Variants in PIEZO2 observed in about 807,000 individuals in gnomAD.
The protein encoded by PIEZO2 is piezo type mechanosensitive ion channel component 2.
PIEZO2 carries 172 observed loss-of-function variants against 337.3 expected under a neutral mutation model. The observed-to-expected ratio is 0.51, with a 90% CI of 0.45 to 0.58. The LOEUF is 0.58. Among genes scored for constraint, PIEZO2 ranks in the 20% least tolerant of loss-of-function variants. The pLI, the probability that PIEZO2 is intolerant of heterozygous loss-of-function variation, is 0.00. For missense variants in PIEZO2, 3,028 were observed against 3,391.3 expected, an observed-to-expected ratio of 0.89 and a Z score of 2.66; for synonymous variants, 1,251 against 1,228.5, an observed-to-expected ratio of 1.02 and a Z score of -0.38.
In PIEZO2 at chr18:10,828,172, T is replaced by C. The variant is rs1208376461; in HGVS notation, c.918-20898A>G. 6.6e-6 allele frequency among the ~76,000 whole-genome samples: 1 copy of C among 151,498 alleles called. No individual in the cohort carries two copies. Among genetic ancestry groups the C allele is most frequent in the African/African-American group, 2.4e-5 (1 of 41,272 alleles). On this transcript the variant is annotated intron_variant, in intron 7 of 55. Coordinates refer to ENST00000674853, the MANE Select transcript of PIEZO2 (RefSeq NM_001378183.1). This position sits in a 1 kb window ranked among gnomAD's most constrained non-coding sequence, Gnocchi z 4.1. ...TTTTTTTTTACAGTAAAACCAATCC[T>C]GTATGTAGTCATAAGTATCACTTAG... is the stretch of plus-strand genomic sequence containing the variant.
At position 10,980,358 on chromosome 18, in the gene PIEZO2, A is replaced by T. The variant is rs533977676; in HGVS notation, c.161-698T>A. ...ACCTAGTTATAATTTTTAAAAACAT[A>T]AAAAAAAAGGAATGGAAGGAAACAT... On this transcript the variant is annotated intron_variant, in intron 2 of 55. Transcript: ENST00000674853. The surrounding 1 kb of genome is among the most constrained non-coding windows in gnomAD (Gnocchi z 4.8). Among the ~76,000 whole-genome samples, 124 of 150,560 alleles carry T rather than the reference A, an allele frequency of 8.2e-4. 1 individual carries two copies. Among genetic ancestry groups the T allele is most frequent in the African/African-American group, 2.9e-3 (119 of 40,660 alleles).
rs141198624 is a variant in PIEZO2, at chr18:11,055,028, G to A, written c.160+11099C>T. Among the ~76,000 whole-genome samples the A allele has an allele frequency of 2.4e-3, 364 of 152,120 alleles. 2 individuals carry two copies. The South Asian group carries it at 0.03, about 12-fold the overall frequency. On this transcript the variant is annotated intron_variant, in intron 2 of 55. Coordinates refer to ENST00000674853, the MANE Select transcript of PIEZO2 (RefSeq NM_001378183.1). Reference sequence around the variant, plus strand: ...AGATCAAGACTATCCTGGCTAACACGGTGAAACCCCGTCTCTACTAAAAAC... The same window carrying A: ...AGATCAAGACTATCCTGGCTAACACAGTGAAACCCCGTCTCTACTAAAAAC...
At chr18:11,133,349 T>C (rs2040391820) in intron 1 of PIEZO2, among the ~76,000 whole-genome samples, 2 of 152,136 alleles carry the variant, frequency 1.3e-5, no homozygotes, top group Admixed American at 1.3e-4. Context: ...ATTATTGTCT[T>C]TACTTGAAGA....
chr18:10,990,224 AG>A (rs1489696980), intron 2 of PIEZO2, among the ~76,000 whole-genome samples: 1 of 152,230 alleles, frequency 6.6e-6, no homozygotes, highest in Admixed American at 6.6e-5. Context: ...AGGTAAATTA[AG>A]GATATAATAA....
intron 13 of PIEZO2, chr18:10,791,576 C>CTT (rs1479308448): frequency 1.1e-5 from 3 of 263,832 alleles, no homozygotes; most frequent in Non-Finnish European, 2.2e-5. Flanking sequence ...TGAACCCAAC[C>CTT]TTTCTAACAA....
At chr18:10,992,468 C>T (rs114375913) in intron 2 of PIEZO2, among the ~76,000 whole-genome samples, 5,087 of 152,296 alleles carry the variant, frequency 0.033, 150 homozygotes, top group African/African-American at 0.073. Flanking sequence ...GTTTTCCCAA[C>T]ACCACTTATT....
chr18:10,825,054 G>C (rs1016761487), intron 7 of PIEZO2, among the ~76,000 whole-genome samples: 1 of 152,036 alleles, frequency 6.6e-6, no homozygotes, highest in Non-Finnish European at 1.5e-5. Context: ...CATAGAGATG[G>C]GGTTTCACCA....
chr18:11,108,340 G>C (rs1168198366), intron 1 of PIEZO2, among the ~76,000 whole-genome samples: 6 of 152,298 alleles, frequency 3.9e-5, no homozygotes, highest in Admixed American at 6.5e-5. Context: ...CCGGGGCCAG[G>C]CACGGTGGCT....
intron 7 of PIEZO2, among the ~76,000 whole-genome samples, chr18:10,849,838 C>A (rs1277983860): frequency 6.6e-6 from 1 of 152,226 alleles, no homozygotes; most frequent in Admixed American, 6.5e-5. Flanking sequence ...GGGAGACCTG[C>A]CAGACTAACA....
chr18:10,979,678 C>A lies in PIEZO2; in HGVS notation c.161-18G>T. 6.6e-7 allele frequency: 1 copy of A among 1,520,434 alleles called. No individual in the cohort carries two copies. Among genetic ancestry groups the A allele is most frequent in the South Asian group, 1.2e-5 (1 of 81,588 alleles). 94.2% of individuals were successfully genotyped at this position (1,520,434 alleles called of 1,614,324 possible). ...CGTATGTCCTAAGGGATAAAAAGTGCAGAGATTGTGAGAGAGCTTAAGATG... is the reference window on the plus strand; with the variant it reads ...CGTATGTCCTAAGGGATAAAAAGTGAAGAGATTGTGAGAGAGCTTAAGATG... On this transcript the variant is annotated intron_variant, in intron 2 of 55. Transcript: ENST00000674853. This position sits in a 1 kb window ranked among gnomAD's most constrained non-coding sequence, Gnocchi z 4.0.
chr18:10,925,390 A>G (rs959750339), intron 3 of PIEZO2, among the ~76,000 whole-genome samples: 1 of 152,170 alleles, frequency 6.6e-6, no homozygotes, highest in Admixed American at 6.5e-5. Context: ...CACTCACTCA[A>G]TTTATTCCAT....
rs2032656048 is a variant in PIEZO2, at chr18:10,940,274, G to C, written c.287-29046C>G. 6.6e-6 allele frequency among the ~76,000 whole-genome samples: 1 copy of C among 152,152 alleles called. No homozygotes were observed. The highest frequency in any genetic ancestry group is 2.4e-5 in the African/African-American group (1 of 41,428). On this transcript the variant is annotated intron_variant, in intron 3 of 55. Coordinates refer to ENST00000674853, the MANE Select transcript of PIEZO2 (RefSeq NM_001378183.1). This position sits in a 1 kb window ranked among gnomAD's most constrained non-coding sequence, Gnocchi z 5.3. ...CCTCATAAAGCCCTGGCATGAATTG[G>C]TAATAAAAATCTAGTGAGCTCTTCC... is the stretch of plus-strand genomic sequence containing the variant.
chr18:11,034,738 G>A lies in PIEZO2; in HGVS notation c.160+31389C>T, dbSNP rs776715583. ...GCTGTGGCTGTAGTCCCAGCTACTCGGGAGACTGAGGCAGGAGAATCGCTT... is the reference window on the plus strand; with the variant it reads ...GCTGTGGCTGTAGTCCCAGCTACTCAGGAGACTGAGGCAGGAGAATCGCTT... On this transcript the variant is annotated intron_variant, in intron 2 of 55. Coordinates refer to ENST00000674853, the MANE Select transcript of PIEZO2 (RefSeq NM_001378183.1). Among the ~76,000 whole-genome samples the A allele has an allele frequency of 1.1e-3, 174 of 152,192 alleles. 1 individual carries two copies. Among genetic ancestry groups the A allele is most frequent in the Admixed American group, 2.0e-3 (30 of 15,280 alleles).
chr18:11,119,911 C>A (rs563136166), intron 1 of PIEZO2, among the ~76,000 whole-genome samples: 1 of 152,286 alleles, frequency 6.6e-6, no homozygotes, highest in South Asian at 2.1e-4. Flanking sequence ...GAAATTACTA[C>A]CTAGTTGATA....
At chr18:10,742,702 A>G in intron 31 of PIEZO2, 87 bp from the exon 32 acceptor site, 1 of 1,399,294 alleles carries the variant, frequency 7.1e-7, no homozygotes. Context: ...TGTTACGTAT[A>G]TAGCTAAATT....
At chr18:10,866,272 A>G (rs936095011) in intron 5 of PIEZO2, among the ~76,000 whole-genome samples, 2 of 150,748 alleles carry the variant, frequency 1.3e-5, no homozygotes, top group African/African-American at 4.9e-5. Context: ...CATATTGTCA[A>G]TAATAATATC....
rs1409772987 is a variant in PIEZO2, at chr18:10,679,563, A to G, written c.7952+636T>C. 7.2e-5 allele frequency among the ~76,000 whole-genome samples: 11 copies of G among 152,186 alleles called. No homozygotes were observed. In the East Asian group the frequency reaches 1.5e-3, roughly 21 times the overall value. On this transcript the variant is annotated intron_variant, in intron 52 of 55. Transcript: ENST00000674853. ...AGTATTAATTTAAATCAACTTTCAA[A>G]TCACTTGATGCTCTGCCTTCATTTC...
At chr18:11,022,082 C>T (rs902688738) in intron 2 of PIEZO2, among the ~76,000 whole-genome samples, 2 of 152,288 alleles carry the variant, frequency 1.3e-5, no homozygotes, top group East Asian at 1.9e-4. Context: ...CTCAAACAAA[C>T]GGGCGCTGCC....
intron 3 of PIEZO2, among the ~76,000 whole-genome samples, chr18:10,946,703 T>C (rs956580952): frequency 1.3e-5 from 2 of 152,190 alleles, no homozygotes; most frequent in African/African-American, 4.8e-5. Flanking sequence ...ATATACTCAC[T>C]TGGCCCTCAT....
Sources: allele counts gnomAD v4.1 joint callset (sites outside exome capture counted in the v4.1 genomes callset), GRCh38; gene constraint gnomAD v4.1.1; non-coding constraint Gnocchi (gnomAD v3.1); transcripts MANE v1.5; gene names NCBI Gene and HGNC (gene_info 2026-07-23, HGNC 2026-07-21).